The following MRAP variants were observed in gnomAD, a reference collection of about 807,000 sequenced individuals.
MRAP encodes the protein melanocortin-2 receptor accessory protein.
In MRAP, 8 loss-of-function variants were observed where a neutral mutation model predicts 8.7. The observed-to-expected ratio is 0.92, with a 90% CI of 0.54 to 1.66. The LOEUF (loss-of-function observed/expected upper bound fraction) is 1.66. Among genes scored for constraint, MRAP ranks in the 40% most tolerant of loss-of-function variants. The pLI, the probability that MRAP is intolerant of heterozygous loss-of-function variation, is 0.00. For synonymous variants in MRAP, 95 were observed against 95.5 expected, an observed-to-expected ratio of 1.00 and a Z score of 0.03; for missense variants, 237 against 217.1, an observed-to-expected ratio of 1.09 and a Z score of -0.58.
At position 32,292,656 on chromosome 21, in the gene MRAP, C is replaced by T. The variant is rs929682219; in HGVS notation, c.-150-337C>T. ...ATTTTTAGTAGAGACAGGGTTTCAC[C>T]ATGTTGGCCAGGCTGGTCTCGAACT... is the stretch of plus-strand genomic sequence containing the variant. On this transcript the variant is annotated intron_variant, in intron 1 of 4. Coordinates refer to the MRAP transcript ENST00000399784. Among the ~76,000 whole-genome samples, 4 of 152,042 alleles carry T rather than the reference C, an allele frequency of 2.6e-5. No individual in the cohort carries two copies. In the South Asian group the frequency reaches 6.2e-4, roughly 24 times the overall value.
At chr21:32,300,572 C>T (rs1041342819) in intron 1 of MRAP, among the ~76,000 whole-genome samples, 1 of 138,690 alleles carries the variant, frequency 7.2e-6, no homozygotes, top group Non-Finnish European at 1.5e-5. Flanking sequence ...ATGTTTCACA[C>T]GTCATGTCAG....
upstream of MRAP, among the ~76,000 whole-genome samples, chr21:32,294,305 A>AG (rs2032101750): frequency 6.6e-6 from 1 of 151,956 alleles, no homozygotes; most frequent in African/African-American, 2.4e-5. Context: ...TTAGTAGAGA[A>AG]GGGGTTTCGC....
intron 2 of MRAP, among the ~76,000 whole-genome samples, chr21:32,310,654 C>CT (rs34024378): frequency 0.019 from 2,808 of 144,296 alleles, 74 homozygotes; most frequent in African/African-American, 0.061. Context: ...TTTTTTTTTT[C>CT]TTTTTTTTTT....
chr21:32,306,542 G>A (rs2032421031), intron 1 of MRAP, 98 bp from the exon 2 acceptor site: 4 of 929,326 alleles, frequency 4.3e-6, no homozygotes, highest in Non-Finnish European at 7.0e-6. Context: ...CGAAACTCAG[G>A]GCCCTCATTC....
downstream of MRAP, chr21:32,312,425 C>A: frequency 1.3e-6 from 1 of 769,986 alleles, no homozygotes; most frequent in Non-Finnish European, 1.7e-6. Flanking sequence ...CACTAACACC[C>A]GCCGGCTCCC....
chr21:32,306,222 G>A (rs1201598166), intron 1 of MRAP, among the ~76,000 whole-genome samples: 1 of 151,998 alleles, frequency 6.6e-6, no homozygotes, highest in African/African-American at 2.4e-5. Flanking sequence ...AACGGCCCCT[G>A]GTAGGCGCTG....
intron 1 of MRAP, among the ~76,000 whole-genome samples, chr21:32,304,953 G>GT (rs1159686772): frequency 1.2e-4 from 14 of 113,848 alleles, no homozygotes; most frequent in South Asian, 3.0e-4. Flanking sequence ...AGGGGGATTT[G>GT]TTTTTTTTGT....
chr21:32,305,884 AAAAAGGCCCCTCCTG>A (rs1196308123), intron 1 of MRAP, among the ~76,000 whole-genome samples: 1 of 151,992 alleles, frequency 6.6e-6, no homozygotes, highest in Non-Finnish European at 1.5e-5. Context: ...CTGGAGAAGG[AAAAAGGCCCCTCCTG>A]GCCAGCCAGG....
At chr21:32,306,456 C>A in intron 1 of MRAP, 184 bp from the exon 2 acceptor site, 1 of 660,920 alleles carries the variant, frequency 1.5e-6, no homozygotes. Flanking sequence ...CACTTCTTGG[C>A]TCCCCTGTTC....
intron 1 of MRAP, among the ~76,000 whole-genome samples, chr21:32,292,245 G>A (rs998129813): frequency 2.0e-5 from 3 of 152,184 alleles, no homozygotes; most frequent in African/African-American, 4.8e-5. Context: ...GGTTGGAGAC[G>A]TGGGTAGGGT....
chr21:32,301,444 C>A (rs967413512), intron 1 of MRAP, among the ~76,000 whole-genome samples: 3 of 152,204 alleles, frequency 2.0e-5, no homozygotes, highest in Admixed American at 1.3e-4. Flanking sequence ...CTGGCTCCCC[C>A]TTTGCCTTCT....
chr21:32,312,273 T>C lies in MRAP; in HGVS notation c.*277T>C, dbSNP rs969122063. The C allele has an allele frequency of 1.2e-5, 16 of 1,381,666 alleles. No individual in the cohort carries two copies. Among genetic ancestry groups the C allele is most frequent in the South Asian group, 7.6e-5 (5 of 65,486 alleles). 85.6% of individuals were successfully genotyped at this position (1,381,666 alleles called of 1,614,324 possible). On this transcript the variant is annotated 3_prime_UTR_variant, in exon 3 of 3. Transcript: ENST00000303645. ...GGGAAGAGTAGGAAAATAAAATATA[T>C]GCAAATCAAGAGGAAAAGCTGTTTG...
At chr21:32,314,400 G>C, downstream of MRAP, 2 of 661,754 alleles carry the variant, frequency 3.0e-6, no homozygotes, top group Non-Finnish European at 5.5e-6. Context: ...GGGAAGGCTG[G>C]TTTCGAACTC....
downstream of MRAP, chr21:32,312,958 T>C (rs971189800): frequency 2.1e-4 from 32 of 152,180 alleles, no homozygotes; most frequent in African/African-American, 7.5e-4. Flanking sequence ...ACTAAGTGAC[T>C]GGAAAATACA....
At chr21:32,301,357 G>A (rs2032295364) in intron 1 of MRAP, among the ~76,000 whole-genome samples, 1 of 152,190 alleles carries the variant, frequency 6.6e-6, no homozygotes, top group Non-Finnish European at 1.5e-5. Flanking sequence ...GATAGTGAGT[G>A]AGTTATTAGG....
At chr21:32,313,596 T>C (rs2032628796), downstream of MRAP, 1 of 152,204 alleles carries the variant, frequency 6.6e-6, no homozygotes, top group Non-Finnish European at 1.5e-5. Flanking sequence ...ATGCTTTAGT[T>C]AAAACTTTAA....
At chr21:32,314,183 CTT>C (rs1289622226), downstream of MRAP, 3 of 193,844 alleles carry the variant, frequency 1.5e-5, no homozygotes, top group Admixed American at 5.4e-5. Flanking sequence ...GAAAAACAAA[CTT>C]TATTTTTTTA....
At chr21:32,299,449 C>T (rs1601096394) in intron 1 of MRAP, among the ~76,000 whole-genome samples, 1 of 152,098 alleles carries the variant, frequency 6.6e-6, no homozygotes, top group South Asian at 2.1e-4. Flanking sequence ...ATCCTCCTAC[C>T]TCAGCCTCCC....
At chr21:32,311,296 G>T in intron 2 of MRAP, 1 of 207,820 alleles carries the variant, frequency 4.8e-6, no homozygotes, top group African/African-American at 2.3e-5. Context: ...TGAGATTTGT[G>T]TCGTGACGCA....
Sources: allele counts gnomAD v4.1 joint callset (sites outside exome capture counted in the v4.1 genomes callset), GRCh38; gene constraint gnomAD v4.1.1; transcripts MANE v1.5; gene names NCBI Gene and HGNC (gene_info 2026-07-23, HGNC 2026-07-21).